The following RGS7 variants were observed in gnomAD, a reference collection of about 807,000 sequenced individuals.
The protein encoded by RGS7 is regulator of G protein signaling 7, also known as regulator of G-protein signaling 7.
Under a neutral mutation model 81.1 loss-of-function variants are expected in RGS7, and 27 were observed. The observed-to-expected ratio is 0.33, with a 90% CI of 0.25 to 0.46. RGS7 has a LOEUF of 0.46. RGS7 is among the 20% of genes least tolerant of loss of function. RGS7 has a pLI of 1.00. For missense variants in RGS7, 396 were observed against 607.4 expected, an observed-to-expected ratio of 0.65 and a Z score of 3.66; for synonymous variants, 208 against 207.7, an observed-to-expected ratio of 1.00 and a Z score of -0.01.
intron 2 of RGS7, among the ~76,000 whole-genome samples, chr1:241,179,298 C>T (rs1360471223): frequency 6.6e-6 from 1 of 152,166 alleles, no homozygotes; most frequent in African/African-American, 2.4e-5. Context: ...GGGGTTTCAC[C>T]ATGTTGGCCA....
chr1:241,302,405 C>T (rs927691307), intron 2 of RGS7, among the ~76,000 whole-genome samples: 13 of 152,186 alleles, frequency 8.5e-5, no homozygotes, highest in Non-Finnish European at 1.8e-4. Context: ...AAAAATTAGC[C>T]AGGCATGGTT....
chr1:241,147,211 A>G (rs2068375353), intron 2 of RGS7, among the ~76,000 whole-genome samples: 1 of 152,202 alleles, frequency 6.6e-6, no homozygotes, highest in Admixed American at 6.5e-5. Context: ...ACTCAGAGAA[A>G]GGTGCAGAGA....
chr1:241,264,663 G>C (rs558560823), intron 2 of RGS7, among the ~76,000 whole-genome samples: 1 of 152,318 alleles, frequency 6.6e-6, no homozygotes, highest in Admixed American at 6.5e-5. Flanking sequence ...GAATAATTAT[G>C]AAGTCTCCAG....
rs536776784 is a variant in RGS7 at position 240,883,347 on chromosome 1, TA to T, written c.386-13229del. Among the ~76,000 whole-genome samples the T allele has an allele frequency of 3.5e-3, 527 of 152,100 alleles. 5 individuals are homozygous for T. Among genetic ancestry groups the T allele is most frequent in the African/African-American group, 0.012 (508 of 41,490 alleles). On this transcript the variant is annotated intron_variant, in intron 6 of 18. Coordinates refer to ENST00000440928, the MANE Select transcript of RGS7 (RefSeq NM_001364886.1). ...AAGTATAATAATAATAAAAATTTTT[TA>T]AAAAAACAAAAAACAATGTCACTAT... is the stretch of plus-strand genomic sequence containing the variant.
At chr1:240,918,500 C>T (rs1397732716) in intron 6 of RGS7, among the ~76,000 whole-genome samples, 2 of 151,906 alleles carry the variant, frequency 1.3e-5, no homozygotes, top group Non-Finnish European at 2.9e-5. Flanking sequence ...AAACAACACA[C>T]GGGCCAAAGA....
At chr1:241,055,161 A>G (rs2061418885) in intron 3 of RGS7, among the ~76,000 whole-genome samples, 1 of 152,232 alleles carries the variant, frequency 6.6e-6, no homozygotes. Flanking sequence ...AGGACTACTG[A>G]CACCAGATTC....
intron 2 of RGS7, among the ~76,000 whole-genome samples, chr1:241,296,040 T>C (rs971098686): frequency 3.3e-5 from 5 of 152,174 alleles, no homozygotes; most frequent in African/African-American, 1.2e-4. Flanking sequence ...CCATGGAGTA[T>C]CTTGAGAAGA....
At chr1:240,791,202 T>G (rs1278713249) in intron 18 of RGS7, among the ~76,000 whole-genome samples, 1 of 152,234 alleles carries the variant, frequency 6.6e-6, no homozygotes, top group Non-Finnish European at 1.5e-5. Flanking sequence ...TAATGGCTTC[T>G]GCTGGTTGAA....
At chr1:241,025,149 T>C (rs1221639641) in intron 3 of RGS7, among the ~76,000 whole-genome samples, 4 of 152,168 alleles carry the variant, frequency 2.6e-5, no homozygotes, top group Non-Finnish European at 5.9e-5. Flanking sequence ...GGTTATGTAA[T>C]ATGCTCTCCA....
At chr1:240,865,675 T>C (rs1663103572) in intron 9 of RGS7, among the ~76,000 whole-genome samples, 1 of 152,194 alleles carries the variant, frequency 6.6e-6, no homozygotes, top group African/African-American at 2.4e-5. Flanking sequence ...CTAAATATAT[T>C]AGGATTGATT....
intron 6 of RGS7, among the ~76,000 whole-genome samples, chr1:240,921,343 T>C (rs565385067): frequency 2.0e-5 from 3 of 151,024 alleles, no homozygotes; most frequent in African/African-American, 7.3e-5. Context: ...AAAAAAAAAC[T>C]AGATGCTTTC....
rs774764379 is a variant in RGS7 at position 240,803,043 on chromosome 1, G to A, written c.1270-50C>T. ...GCTTCTTTATGATTTCTTGGGAAAA[G>A]TAAAATATCATGATGTCACACATGG... On this transcript the variant is annotated intron_variant, in intron 15 of 18. Coordinates refer to ENST00000440928, the MANE Select transcript of RGS7 (RefSeq NM_001364886.1). 3.9e-6 allele frequency: 5 copies of A among 1,282,996 alleles called. No individual in the cohort carries two copies. In the East Asian group the frequency reaches 1.2e-4, roughly 30 times the overall value. The allele number at this position is 1,282,996 out of a possible 1,614,324, so 79.5% of individuals were successfully genotyped here.
At chr1:241,175,286 TAG>T (rs1165536800) in intron 2 of RGS7, among the ~76,000 whole-genome samples, 1 of 152,194 alleles carries the variant, frequency 6.6e-6, no homozygotes, top group East Asian at 1.9e-4. Context: ...TAACATTCTC[TAG>T]CATTTTTATA....
At chr1:241,141,659 A>G (rs1315497476) in intron 2 of RGS7, among the ~76,000 whole-genome samples, 1 of 152,156 alleles carries the variant, frequency 6.6e-6, no homozygotes, top group African/African-American at 2.4e-5. Context: ...CATGGGGGTA[A>G]CCACCCCTAT....
chr1:241,156,586 G>T (rs1300030482), intron 2 of RGS7, among the ~76,000 whole-genome samples: 1 of 144,702 alleles, frequency 6.9e-6, no homozygotes, highest in Admixed American at 6.9e-5. Flanking sequence ...GGAGAGGAGG[G>T]GAGGGGAGAC....
At chr1:240,932,750 C>T (rs1456350565) in intron 5 of RGS7, among the ~76,000 whole-genome samples, 74 of 144,998 alleles carry the variant, frequency 5.1e-4, no homozygotes, top group Middle Eastern at 4.0e-3. Flanking sequence ...CCTCGTGATC[C>T]GCCTGCCTCG....
intron 3 of RGS7, among the ~76,000 whole-genome samples, chr1:240,992,981 T>C (rs890332268): frequency 6.6e-6 from 1 of 151,380 alleles, no homozygotes; most frequent in Non-Finnish European, 1.5e-5. Context: ...CATGACTGCA[T>C]TCCAGCCTGG....
At chr1:240,932,977 G>C (rs528754745) in intron 5 of RGS7, among the ~76,000 whole-genome samples, 1 of 138,072 alleles carries the variant, frequency 7.2e-6, no homozygotes, top group Non-Finnish European at 1.5e-5. Flanking sequence ...TCCGCCTCCC[G>C]GGTTCACGCC....
chr1:241,020,593 G>A (rs602676), intron 3 of RGS7, among the ~76,000 whole-genome samples: 18,189 of 152,056 alleles, frequency 0.12, 1,427 homozygotes, highest in African/African-American at 0.21. Flanking sequence ...ACATTCACAG[G>A]TTCTCAAAAT....
Sources: gnomAD v4.1 joint callset for allele counts (sites outside exome capture counted in the v4.1 genomes callset) on GRCh38, gnomAD v4.1.1 for gene constraint, MANE v1.5 for transcripts, NCBI Gene and HGNC (gene_info 2026-07-23, HGNC 2026-07-21) for gene names.